KLHL1: variants seen among roughly 807,000 people sequenced by gnomAD.
The protein encoded by KLHL1 is kelch-like protein 1.
Under a neutral mutation model 77.7 loss-of-function variants are expected in KLHL1, and 47 were observed. The observed-to-expected ratio is 0.60, with a 90% CI of 0.48 to 0.77. The LOEUF is 0.77. Ranked by LOEUF, KLHL1 falls within the 30% of genes least tolerant of loss-of-function variation. The probability of loss-of-function intolerance (pLI) is 0.00; values close to 1 mark genes in which losing one functional copy is unlikely to be tolerated. For missense variants in KLHL1, 925 were observed against 910.8 expected (o/e 1.02, Z -0.20); for synonymous variants, 360 against 325.2 (o/e 1.11, Z -1.15).
chr13:69,837,369 A>T (rs1375631037), intron 6 of KLHL1, among the ~76,000 whole-genome samples: 1 of 151,542 alleles, frequency 6.6e-6, no homozygotes, highest in Non-Finnish European at 1.5e-5. Context: ...ATAATTAGTA[A>T]GCAATTTGAA....
chr13:69,774,078 G>A (rs1190298376), intron 7 of KLHL1, among the ~76,000 whole-genome samples: 1 of 151,798 alleles, frequency 6.6e-6, no homozygotes, highest in Non-Finnish European at 1.5e-5. Flanking sequence ...TGTACCAAGT[G>A]ACGAAAAAAT....
At chr13:69,753,232 T>C (rs1488895913) in intron 7 of KLHL1, among the ~76,000 whole-genome samples, 1 of 152,140 alleles carries the variant, frequency 6.6e-6, no homozygotes, top group African/African-American at 2.4e-5. Context: ...CCTTCATAGC[T>C]GTTAAAATAA....
At chr13:69,781,636 G>GAGAT (rs1372253727) in intron 7 of KLHL1, among the ~76,000 whole-genome samples, 3 of 151,982 alleles carry the variant, frequency 2.0e-5, no homozygotes, top group African/African-American at 7.3e-5. Context: ...CTCAGTATGG[G>GAGAT]AGATATTGTA....
chr13:69,969,627 T>TTAAAAA (rs1884320873), intron 2 of KLHL1, among the ~76,000 whole-genome samples: 1 of 152,112 alleles, frequency 6.6e-6, no homozygotes. Flanking sequence ...GTAACCTATA[T>TTAAAAA]TATTCAATTT....
rs928466252 is a variant in KLHL1, at chr13:69,775,483, A to T, written c.1639+21255T>A. On this transcript the variant is annotated intron_variant, in intron 7 of 10. Coordinates refer to ENST00000377844, the MANE Select transcript of KLHL1 (RefSeq NM_020866.3). ...TATTCACAAATATTTGATTTTCTAT[A>T]TATGACAATTGTTTAAGATATCAGA... Among the ~76,000 whole-genome samples, 6 of 152,162 alleles carry T rather than the reference A, an allele frequency of 3.9e-5. No individual in the cohort carries two copies. The East Asian group carries it at 1.2e-3, about 29-fold the overall frequency.
intron 10 of KLHL1, among the ~76,000 whole-genome samples, chr13:69,702,289 A>C (rs1875430556): frequency 6.6e-6 from 1 of 151,744 alleles, no homozygotes; most frequent in African/African-American, 2.4e-5. Flanking sequence ...GCTTATTAAA[A>C]ATTTTCCATC....
At chr13:70,070,970 T>A (rs1364794351) in intron 1 of KLHL1, among the ~76,000 whole-genome samples, 2 of 151,542 alleles carry the variant, frequency 1.3e-5, no homozygotes, top group Admixed American at 1.3e-4. Context: ...TCAGTTAAAA[T>A]AAAGGGAAGG....
intron 1 of KLHL1, among the ~76,000 whole-genome samples, chr13:70,051,914 T>C (rs1593704567): frequency 2.0e-5 from 3 of 150,946 alleles, no homozygotes; most frequent in Non-Finnish European, 4.4e-5. Context: ...AAAGTAAAGA[T>C]TTTTGTCCTA....
chr13:69,968,772 T>C (rs1301915156), intron 2 of KLHL1, among the ~76,000 whole-genome samples: 1 of 152,132 alleles, frequency 6.6e-6, no homozygotes, highest in Non-Finnish European at 1.5e-5. Flanking sequence ...GGCTGCATAG[T>C]ATTCCATGGT....
rs186635018 is a variant in KLHL1 at position 70,092,898 on chromosome 13, G to A, written c.497+14305C>T. Reference sequence around the variant, plus strand: ...GCTAGAATCTACAGTATTGAACAGCGCAGCCATGAAATAATTGCATCATCA... The same window carrying A: ...GCTAGAATCTACAGTATTGAACAGCACAGCCATGAAATAATTGCATCATCA... On this transcript the variant is annotated intron_variant, in intron 1 of 10. Coordinates refer to ENST00000377844, the MANE Select transcript of KLHL1 (RefSeq NM_020866.3). 3.5e-3 allele frequency among the ~76,000 whole-genome samples: 526 copies of A among 152,154 alleles called. 3 individuals are homozygous for A. The highest frequency in any genetic ancestry group is 5.3e-3 in the Non-Finnish European group (362 of 67,998).
chr13:69,727,445 G>A (rs752470276), intron 8 of KLHL1, among the ~76,000 whole-genome samples: 2 of 152,082 alleles, frequency 1.3e-5, no homozygotes, highest in Non-Finnish European at 2.9e-5. Flanking sequence ...GGGGAATCTA[G>A]GCAGAAACGA....
intron 1 of KLHL1, among the ~76,000 whole-genome samples, chr13:69,983,181 GA>G (rs1446960189): frequency 3.3e-5 from 5 of 152,064 alleles, no homozygotes; most frequent in Admixed American, 6.6e-5. Flanking sequence ...ACAAAATACT[GA>G]TGAAAGCAAT....
At chr13:69,949,506 C>T (rs56335733) in intron 3 of KLHL1, among the ~76,000 whole-genome samples, 19,414 of 151,524 alleles carry the variant, frequency 0.13, 1,937 homozygotes, top group East Asian at 0.29. Context: ...TGATCACGTG[C>T]GGAGGTAGTG....
At chr13:69,899,030 T>G (rs916726071) in intron 4 of KLHL1, among the ~76,000 whole-genome samples, 20 of 152,226 alleles carry the variant, frequency 1.3e-4, no homozygotes, top group African/African-American at 4.6e-4. Flanking sequence ...TTTTTTTTTT[T>G]TTTGTGATTC....
At chr13:69,822,974 ACTTT>A (rs909430985) in intron 6 of KLHL1, among the ~76,000 whole-genome samples, 1 of 152,180 alleles carries the variant, frequency 6.6e-6, no homozygotes, top group Non-Finnish European at 1.5e-5. Flanking sequence ...TTGCTCATAA[ACTTT>A]CTTTCAGGAT....
At chr13:69,777,853 A>T (rs929002590) in intron 7 of KLHL1, among the ~76,000 whole-genome samples, 2 of 152,102 alleles carry the variant, frequency 1.3e-5, no homozygotes, top group African/African-American at 2.4e-5. Context: ...TGAATACAAT[A>T]CCTTACTTAT....
intron 1 of KLHL1, among the ~76,000 whole-genome samples, chr13:70,033,072 A>G (rs1363455631): frequency 6.6e-6 from 1 of 152,182 alleles, no homozygotes; most frequent in African/African-American, 2.4e-5. Flanking sequence ...ACTTCACTAC[A>G]TCTTAATTAT....
intron 10 of KLHL1, among the ~76,000 whole-genome samples, chr13:69,705,020 C>G (rs1372814619): frequency 6.6e-6 from 1 of 151,686 alleles, no homozygotes; most frequent in Non-Finnish European, 1.5e-5. Flanking sequence ...ACCTCCTACT[C>G]CCAGCCAGAA....
intron 7 of KLHL1, among the ~76,000 whole-genome samples, chr13:69,750,443 TA>T (rs1874424441): frequency 6.6e-6 from 1 of 151,780 alleles, no homozygotes; most frequent in Non-Finnish European, 1.5e-5. Context: ...AATGGATAAG[TA>T]AAATTATACA....
Sources: allele counts gnomAD v4.1 joint callset (sites outside exome capture counted in the v4.1 genomes callset), GRCh38; gene constraint gnomAD v4.1.1; transcripts MANE v1.5; gene names NCBI Gene and HGNC (gene_info 2026-07-23, HGNC 2026-07-21).